OR2C3: variants seen among roughly 807,000 people sequenced by gnomAD.
The protein encoded by OR2C3 is olfactory receptor 2C3.
For missense variants in OR2C3, 425 were observed against 401.5 expected (o/e 1.06, Z -0.50); for synonymous variants, 178 against 163.4 (o/e 1.09, Z -0.68).
In OR2C3 at chr1:247,528,656, C is replaced by A. The variant is rs557146069; in HGVS notation, c.*2893G>T. On this transcript the variant is annotated 3_prime_UTR_variant, in exon 3 of 3. Transcript: ENST00000641802. ...GAAGGGAAACTTCCCAGTGGTCAAA[C>A]TACAGGCAGTTTAGCTGGTTGTTAA... The A allele has an allele frequency of 2.6e-5, 4 of 152,340 alleles. No homozygotes were observed. The highest frequency in any genetic ancestry group is 9.6e-5 in the African/African-American group (4 of 41,574). The allele number at this position is 152,340 out of a possible 1,614,324, so 9.4% of individuals were successfully genotyped here.
At chr1:247,536,051 G>A (rs546621609) in intron 1 of OR2C3, 117 bp downstream of exon 1, 1 of 152,068 alleles carries the variant, frequency 6.6e-6, no homozygotes, top group African/African-American at 2.4e-5. Context: ...TCATTTAAAC[G>A]GATCAGTGCT....
rs6692111 is a variant in OR2C3 at position 247,528,390 on chromosome 1, G to A, written c.*3159C>T. 0.95 allele frequency: 144,370 copies of A among 152,254 alleles called. 68,908 individuals are homozygous for A. The highest frequency in any genetic ancestry group is 1 in the South Asian group (4,818 of 4,822). 9.4% of individuals were successfully genotyped at this position (152,254 alleles called of 1,614,324 possible). On this transcript the variant is annotated 3_prime_UTR_variant, in exon 3 of 3. Transcript: ENST00000641802. Reference sequence around the variant, plus strand: ...CTTGTCATTTCTTTGTGGTGAGAGCGTTCAAAATCCTGTCTTCACAACATG... The same window carrying A: ...CTTGTCATTTCTTTGTGGTGAGAGCATTCAAAATCCTGTCTTCACAACATG...
Position 247,531,523 on chromosome 1 carries a change from T to A in OR2C3, c.*26A>T. The A allele has an allele frequency of 6.3e-7, 1 of 1,599,718 alleles. No homozygotes were observed. Among genetic ancestry groups the A allele is most frequent in the South Asian group, 1.1e-5 (1 of 89,288 alleles). On this transcript the variant is annotated 3_prime_UTR_variant, in exon 3 of 3. Coordinates refer to ENST00000641802, the MANE Select transcript of OR2C3 (RefSeq NM_198074.6). ...CACTTTGCTCGATGTAAACTTGATC[T>A]TCCTTCTCAGAAGGCACTGGAGTCT...
intron 1 of OR2C3, among the ~76,000 whole-genome samples, chr1:247,534,301 C>G (rs1667129744): frequency 6.6e-6 from 1 of 152,138 alleles, no homozygotes; most frequent in African/African-American, 2.4e-5. Flanking sequence ...ACACAGTAGT[C>G]CCTTAATCAA....
intron 1 of OR2C3, among the ~76,000 whole-genome samples, chr1:247,535,420 G>A (rs972791940): frequency 6.6e-6 from 1 of 152,214 alleles, no homozygotes; most frequent in Admixed American, 6.5e-5. Context: ...CTGGGATTGG[G>A]AGAGTTAGGT....
rs781174311 is a variant in OR2C3 at position 247,531,720 on chromosome 1, G to C, written c.792C>G (p.Ala264=). The change falls in exon 3 of 3, where the codon GCC becomes GCG. Residue 264 remains alanine, a synonymous_variant. Coordinates refer to ENST00000641802, the MANE Select transcript of OR2C3 (RefSeq NM_198074.6). ...GSIIFMYLQP[A]KSTSHEQGKF... is the part of the protein sequence containing the mutation. The stretch of plus-strand genomic sequence containing the variant: ...TGCCCTGCTCATGGGAGGTGCTCTT[G>C]GCTGGCTGGAGATACATGAAGATGA... 1 of 1,614,180 alleles carries C rather than the reference G, an allele frequency of 6.2e-7. No homozygotes were observed. The highest frequency in any genetic ancestry group is 1.1e-5 in the South Asian group (1 of 91,086).
At position 247,531,965 on chromosome 1, in the gene OR2C3, G is replaced by A. The variant is rs1666987986; in HGVS notation, c.547C>T (p.Pro183Ser). Residue 183 changes from proline (P) to serine (S), a missense_variant, in exon 3 of 3, where the codon CCC (proline) becomes TCC (serine). Pro to Ser is a moderately conservative substitution (Grantham distance 74). Coordinates refer to ENST00000641802, the MANE Select transcript of OR2C3 (RefSeq NM_198074.6). Reference protein sequence around the residue: ...NCIDHFFCEMPLIMQLACVDT... With the variant: ...NCIDHFFCEMSLIMQLACVDT... ...ACACAAGCCAGTTGCATAATGAGGG[G>A]CATCTCGCAAAAGAAGTGGTCGATG... 6.2e-7 allele frequency: 1 copy of A among 1,614,130 alleles called. No individual in the cohort carries two copies. Among genetic ancestry groups the A allele is most frequent in the Non-Finnish European group, 8.5e-7 (1 of 1,179,996 alleles).
In OR2C3 at chr1:247,528,639, A is replaced by G. The variant is rs960175906; in HGVS notation, c.*2910T>C. 6 of 152,236 alleles carry G rather than the reference A, an allele frequency of 3.9e-5. No individual in the cohort carries two copies. The highest frequency in any genetic ancestry group is 1.2e-4 in the African/African-American group (5 of 41,468). The allele number at this position is 152,236 out of a possible 1,614,324, so 9.4% of individuals were successfully genotyped here. A position where few individuals can be genotyped will look rare whatever the true frequency, so the allele number is the denominator to read the frequency against. On this transcript the variant is annotated 3_prime_UTR_variant, in exon 3 of 3. Transcript: ENST00000641802. ...TGCTGAAAGATGGTGAGGAAGGGAA[A>G]CTTCCCAGTGGTCAAACTACAGGCA...
rs1406843833 is a variant in OR2C3 at position 247,528,212 on chromosome 1, A to G, written c.*3337T>C. On this transcript the variant is annotated 3_prime_UTR_variant, in exon 3 of 3. Transcript: ENST00000641802. The stretch of plus-strand genomic sequence containing the variant: ...CTTCCCCCACCCCCAAGCCCCCAAA[A>G]TTGTATAATTATTTTTTAAATTTCA... 2 of 151,894 alleles carry G rather than the reference A, an allele frequency of 1.3e-5. No individual in the cohort carries two copies. The highest frequency in any genetic ancestry group is 6.6e-5 in the Admixed American group (1 of 15,240). 9.4% of individuals were successfully genotyped at this position (151,894 alleles called of 1,614,324 possible). A position where few individuals can be genotyped will look rare whatever the true frequency, so the allele number is the denominator to read the frequency against.
rs1229026967 is a variant in OR2C3 at position 247,529,271 on chromosome 1, C to T, written c.*2278G>A. ...ATCACCATGGCATCCCCTGCAATAT[C>T]ACCTGTAACCAGGAAACATATTTCA... On this transcript the variant is annotated 3_prime_UTR_variant, in exon 3 of 3. Transcript: ENST00000641802. 4 of 152,204 alleles carry T rather than the reference C, an allele frequency of 2.6e-5. No individual in the cohort carries two copies. Among genetic ancestry groups the T allele is most frequent in the Non-Finnish European group, 4.4e-5 (3 of 68,048 alleles). 9.4% of individuals were successfully genotyped at this position (152,204 alleles called of 1,614,324 possible).
In OR2C3 at chr1:247,530,524, C is replaced by A. The variant is rs958954865; in HGVS notation, c.*1025G>T. Reference sequence around the variant, plus strand: ...TCCACAAACACCATGCCATCCCCCCCCCACAAAATAACATTTCCTATGAAT... The same window carrying A: ...TCCACAAACACCATGCCATCCCCCCACCACAAAATAACATTTCCTATGAAT... On this transcript the variant is annotated 3_prime_UTR_variant, in exon 3 of 3. Transcript: ENST00000641802. 4.2e-5 allele frequency: 6 copies of A among 141,652 alleles called. 1 individual carries two copies. The highest frequency in any genetic ancestry group is 1.5e-4 in the African/African-American group (6 of 39,844). The allele number at this position is 141,652 out of a possible 1,614,324, so 8.8% of individuals were successfully genotyped here. A position where few individuals can be genotyped will look rare whatever the true frequency, so the allele number is the denominator to read the frequency against.
chr1:247,535,260 A>G (rs771099427), intron 1 of OR2C3, among the ~76,000 whole-genome samples: 12 of 152,184 alleles, frequency 7.9e-5, no homozygotes, highest in Non-Finnish European at 1.8e-4. Flanking sequence ...GGCTGTAATG[A>G]GGCATGATTG....
Position 247,531,650 on chromosome 1 carries a change from G to T in OR2C3, c.862C>A (p.Pro288Thr). 6.2e-7 allele frequency: 1 copy of T among 1,614,136 alleles called. No homozygotes were observed. Among genetic ancestry groups the T allele is most frequent in the Non-Finnish European group, 8.5e-7 (1 of 1,180,028 alleles). Residue 288 changes from proline to threonine, a missense_variant, in exon 3 of 3, where the codon CCA (proline) becomes ACA (threonine). Physicochemically the swap from Pro to Thr is conservative, Grantham distance 38. Coordinates refer to ENST00000641802, the MANE Select transcript of OR2C3 (RefSeq NM_198074.6). ...GTGTTCCTCAGGGTGTAAATAAGTG[G>T]GTTCAGCGCAGGAGTGACTACGGTG... ...FYTVVTPALNPLIYTLRNTEV... is the reference protein window; with the variant it reads ...FYTVVTPALNTLIYTLRNTEV...
rs369513053 is a variant in OR2C3, at chr1:247,531,881, G to T, written c.631C>A (p.Pro211Thr). Reference protein sequence around the residue: ...YLASFVFVVLPLGLILVSYGH... With the variant: ...YLASFVFVVLTLGLILVSYGH... ...TAAGAGACCAGGATGAGCCCCAGAG[G>T]CAGGACAACAAAGACAAAGCTGGCC... is the stretch of plus-strand genomic sequence containing the variant. Residue 211 changes from proline to threonine, a missense_variant, in exon 3 of 3, where the codon CCT becomes ACT. Pro to Thr is a conservative substitution (Grantham distance 38, BLOSUM62 -1). Transcript: ENST00000641802. 1.2e-6 allele frequency: 2 copies of T among 1,614,088 alleles called. No homozygotes were observed. Among genetic ancestry groups the T allele is most frequent in the East Asian group, 2.2e-5 (1 of 44,902 alleles).
chr1:247,531,406 G>T lies in OR2C3; in HGVS notation c.*143C>A. ...AATGTATTTTCTTGGTCTGGAAATG[G>T]CATGAGCACACTCCTTTCAGATTTC... On this transcript the variant is annotated 3_prime_UTR_variant, in exon 3 of 3. Transcript: ENST00000641802. 2.6e-6 allele frequency: 2 copies of T among 759,208 alleles called. No homozygotes were observed. Among genetic ancestry groups the T allele is most frequent in the East Asian group, 2.5e-5 (1 of 39,784 alleles). The allele number at this position is 759,208 out of a possible 1,614,324, so 47.0% of individuals were successfully genotyped here.
In OR2C3 at chr1:247,531,716, T is replaced by G; in HGVS notation, c.796A>C (p.Ser266Arg). 1 of 1,614,150 alleles carries G rather than the reference T, an allele frequency of 6.2e-7. No homozygotes were observed. Among genetic ancestry groups the G allele is most frequent in the Non-Finnish European group, 8.5e-7 (1 of 1,180,022 alleles). ...IIFMYLQPAK[S>R]TSHEQGKFIA... ...AACTTGCCCTGCTCATGGGAGGTGC[T>G]CTTGGCTGGCTGGAGATACATGAAG... is the stretch of plus-strand genomic sequence containing the variant. Residue 266 changes from serine to arginine, a missense_variant, in exon 3 of 3, where the codon AGC (serine) becomes CGC (arginine). Transcript: ENST00000641802.
At position 247,531,546 on chromosome 1, in the gene OR2C3, T is replaced by C. The variant is rs750741260; in HGVS notation, c.*3A>G. On this transcript the variant is annotated 3_prime_UTR_variant, in exon 3 of 3. Coordinates refer to ENST00000641802, the MANE Select transcript of OR2C3 (RefSeq NM_198074.6). ...TCTTCCTTCTCAGAAGGCACTGGAG[T>C]CTCTAAATTTGCGCCAGCTTGCCTG... is the stretch of plus-strand genomic sequence containing the variant. 8 of 1,611,226 alleles carry C rather than the reference T, an allele frequency of 5.0e-6. No homozygotes were observed. In the East Asian group the frequency reaches 1.8e-4, roughly 36 times the overall value.
chr1:247,535,555 G>C (rs1667186509), intron 1 of OR2C3, among the ~76,000 whole-genome samples: 1 of 152,150 alleles, frequency 6.6e-6, no homozygotes, highest in South Asian at 2.1e-4. Context: ...TCCCATCTGT[G>C]GAAAGATAAA....
rs1303566294 is a variant in OR2C3, at chr1:247,528,217, AT to A, written c.*3331del. ...CCCACCCCCAAGCCCCCAAAATTGT[AT>A]AATTATTTTTTAAATTTCATTTTAG... On this transcript the variant is annotated 3_prime_UTR_variant, in exon 3 of 3. Transcript: ENST00000641802. 1 of 133,008 alleles carries A rather than the reference AT, an allele frequency of 7.5e-6. No homozygotes were observed. Among genetic ancestry groups the A allele is most frequent in the Non-Finnish European group, 1.6e-5 (1 of 62,336 alleles). The allele number at this position is 133,008 out of a possible 1,614,324, so 8.2% of individuals were successfully genotyped here.
Sources: allele counts gnomAD v4.1 joint callset (sites outside exome capture counted in the v4.1 genomes callset), GRCh38; gene constraint gnomAD v4.1.1; transcripts MANE v1.5; gene names NCBI Gene and HGNC (gene_info 2026-07-23, HGNC 2026-07-21).